LPAR1: variants seen among roughly 807,000 people sequenced by gnomAD.
LPAR1 encodes lysophosphatidic acid receptor 1, also known as LPA receptor 1.
In LPAR1, 5 loss-of-function variants were observed where a neutral mutation model predicts 23.8. That is an observed-to-expected ratio of 0.21 (90% CI 0.11 to 0.44). The LOEUF (loss-of-function observed/expected upper bound fraction) is 0.44. Among genes scored for constraint, LPAR1 ranks in the 20% least tolerant of loss-of-function variants. LPAR1 has a pLI of 0.99. For synonymous variants in LPAR1, 160 were observed against 164.7 expected, an observed-to-expected ratio of 0.97 and a Z score of 0.22; for missense variants, 311 against 482.8, an observed-to-expected ratio of 0.64 and a Z score of 3.33.
chr9:110,901,531 C>G (rs1427704674), intron 5 of LPAR1, among the ~76,000 whole-genome samples: 1 of 152,116 alleles, frequency 6.6e-6, no homozygotes, highest in Non-Finnish European at 1.5e-5. Flanking sequence ...ATGCAGCAGG[C>G]AAGAGAGAGT....
At chr9:110,910,407 CAA>C (rs1159174057) in intron 5 of LPAR1, among the ~76,000 whole-genome samples, 1 of 152,142 alleles carries the variant, frequency 6.6e-6, no homozygotes, top group Non-Finnish European at 1.5e-5. Flanking sequence ...AGATTCCTTT[CAA>C]AATATTACTG....
chr9:110,914,450 C>A (rs2092827513), intron 5 of LPAR1, among the ~76,000 whole-genome samples: 1 of 152,158 alleles, frequency 6.6e-6, no homozygotes, highest in African/African-American at 2.4e-5. Context: ...TTCACTACCA[C>A]CAGAACAGCA....
chr9:110,887,459 C>G (rs2082721505), intron 5 of LPAR1, among the ~76,000 whole-genome samples: 1 of 152,074 alleles, frequency 6.6e-6, no homozygotes, highest in South Asian at 2.1e-4. Flanking sequence ...CTATAGCTGC[C>G]AAATGCCCTG....
intron 5 of LPAR1, among the ~76,000 whole-genome samples, chr9:110,916,885 T>C (rs1317731620): frequency 1.3e-5 from 2 of 151,908 alleles, no homozygotes; most frequent in Admixed American, 6.6e-5. Flanking sequence ...TAATTCATTC[T>C]TTTGGATAGG....
intron 2 of LPAR1, among the ~76,000 whole-genome samples, chr9:111,005,357 T>A (rs1237231510): frequency 6.6e-6 from 1 of 150,666 alleles, no homozygotes; most frequent in East Asian, 2.0e-4. Context: ...GTGGATCACT[T>A]GAGCTCAGGA....
At chr9:110,989,554 G>T (rs998123161) in intron 2 of LPAR1, among the ~76,000 whole-genome samples, 3 of 152,082 alleles carry the variant, frequency 2.0e-5, no homozygotes, top group Admixed American at 6.6e-5. Context: ...TCACTTAAAA[G>T]TTGCCTACAA....
rs2078675629 is a variant in LPAR1 at position 110,874,354 on chromosome 9, A to AC, written c.*1066_*1067insG. 6.6e-6 allele frequency: 1 copy of AC among 152,656 alleles called. No homozygotes were observed. Among genetic ancestry groups the AC allele is most frequent in the Admixed American group, 6.5e-5 (1 of 15,278 alleles). The allele number at this position is 152,656 out of a possible 1,614,324, so 9.5% of individuals were successfully genotyped here. ...AAGAAAATGTGGCAATTTTGCAATGAAAAAGATCTACTTATAAAACTGTTT... is the reference window on the plus strand; with the variant it reads ...AAGAAAATGTGGCAATTTTGCAATGACAAAAGATCTACTTATAAAACTGTTT... On this transcript the variant is annotated 3_prime_UTR_variant, in exon 6 of 6. Coordinates refer to ENST00000683809, the MANE Select transcript of LPAR1 (RefSeq NM_001351411.2).
At chr9:110,902,659 C>T (rs2089683336) in intron 5 of LPAR1, among the ~76,000 whole-genome samples, 1 of 152,136 alleles carries the variant, frequency 6.6e-6, no homozygotes, top group Admixed American at 6.6e-5. Context: ...AAAGCACTCT[C>T]CTTACTCACC....
intron 2 of LPAR1, among the ~76,000 whole-genome samples, chr9:110,989,954 T>C (rs1442412787): frequency 1.1e-5 from 1 of 93,032 alleles, no homozygotes; most frequent in Admixed American, 1.2e-4. Flanking sequence ...GTATCAATAT[T>C]AAAATCTAAC....
At chr9:110,987,137 T>A (rs2096799047) in intron 2 of LPAR1, among the ~76,000 whole-genome samples, 1 of 152,112 alleles carries the variant, frequency 6.6e-6, no homozygotes, top group East Asian at 1.9e-4. Context: ...GGGAAAAATA[T>A]AAAGGACAAA....
intron 4 of LPAR1, among the ~76,000 whole-genome samples, chr9:110,967,009 C>T (rs1440740368): frequency 2.0e-5 from 3 of 152,170 alleles, no homozygotes; most frequent in African/African-American, 7.2e-5. Context: ...CATCCCCATG[C>T]CCCCAATATC....
chr9:110,909,353 G>A (rs1434572688), intron 5 of LPAR1, among the ~76,000 whole-genome samples: 3 of 151,908 alleles, frequency 2.0e-5, no homozygotes, highest in East Asian at 1.9e-4. Flanking sequence ...TACAGGAGCA[G>A]CTCATTTCAC....
At chr9:111,014,646 G>A (rs1301326447) in intron 2 of LPAR1, among the ~76,000 whole-genome samples, 1 of 152,070 alleles carries the variant, frequency 6.6e-6, no homozygotes, top group Non-Finnish European at 1.5e-5. Context: ...TGTTTCAAAA[G>A]CTCCCCCAGG....
In LPAR1 at chr9:110,898,507, G is replaced by A. The variant is rs149290122; in HGVS notation, c.794-22785C>T. 4.8e-3 allele frequency among the ~76,000 whole-genome samples: 731 copies of A among 152,168 alleles called. 17 individuals carry two copies. Among genetic ancestry groups the A allele is most frequent in the Non-Finnish European group, 1.1e-3 (77 of 68,006 alleles). On this transcript the variant is annotated intron_variant, in intron 5 of 5. Transcript: ENST00000683809. ...ACAGAGAGTCAGTATGAAACTATAA[G>A]AACGCTATATTTAGAGTGGGAGAAC...
intron 2 of LPAR1, among the ~76,000 whole-genome samples, chr9:110,989,734 T>C (rs1013386772): frequency 2.0e-5 from 3 of 152,206 alleles, no homozygotes; most frequent in African/African-American, 7.2e-5. Flanking sequence ...AACATAACCA[T>C]ATGAAAACAC....
At chr9:111,029,485 C>T (rs1447574120) in intron 2 of LPAR1, among the ~76,000 whole-genome samples, 1 of 152,068 alleles carries the variant, frequency 6.6e-6, no homozygotes. Flanking sequence ...CACTCCTCCC[C>T]AAGCCTGTCA....
At chr9:110,914,031 T>C (rs1175898904) in intron 5 of LPAR1, among the ~76,000 whole-genome samples, 2 of 152,198 alleles carry the variant, frequency 1.3e-5, no homozygotes, top group African/African-American at 4.8e-5. Context: ...TCATTGCTTT[T>C]TTCCTTTGGT....
chr9:110,970,585 T>TA (rs2096385857), intron 4 of LPAR1, among the ~76,000 whole-genome samples: 3 of 151,942 alleles, frequency 2.0e-5, no homozygotes, highest in Non-Finnish European at 4.4e-5. Context: ...AATCCCAAGG[T>TA]TGATAACAAT....
intron 5 of LPAR1, among the ~76,000 whole-genome samples, chr9:110,897,211 T>C (rs551115981): frequency 1.2e-4 from 18 of 152,246 alleles, no homozygotes; most frequent in African/African-American, 4.3e-4. Flanking sequence ...AGGGACCCCA[T>C]GGGAGATGAC....
Sources: gnomAD v4.1 joint callset for allele counts (sites outside exome capture counted in the v4.1 genomes callset) on GRCh38, gnomAD v4.1.1 for gene constraint, MANE v1.5 for transcripts, NCBI Gene and HGNC (gene_info 2026-07-23, HGNC 2026-07-21) for gene names.